Variants in FARS2 observed in about 807,000 individuals in gnomAD.
FARS2 encodes the protein phenylalanyl-tRNA synthetase 2, mitochondrial.
In FARS2, 40 loss-of-function variants were observed where a neutral mutation model predicts 46.4. The ratio of observed to expected loss-of-function variants is 0.86; its 90% CI spans 0.67 to 1.12. The LOEUF is 1.12. Among genes scored for constraint, FARS2 ranks in the 50% most tolerant of loss-of-function variants. The probability of loss-of-function intolerance (pLI) is 0.00; values close to 1 mark genes in which losing one functional copy is unlikely to be tolerated. For missense variants in FARS2, 513 were observed against 567.9 expected (o/e 0.90, Z 0.98); for synonymous variants, 234 against 214.9 (o/e 1.09, Z -0.78).
At chr6:5,525,837 C>T (rs1312408205) in intron 4 of FARS2, among the ~76,000 whole-genome samples, 1 of 152,178 alleles carries the variant, frequency 6.6e-6, no homozygotes, top group Non-Finnish European at 1.5e-5. Context: ...TTAAAAGATG[C>T]CTTTTCTGTT....
intron 1 of FARS2, among the ~76,000 whole-genome samples, chr6:5,333,464 T>C (rs1178264110): frequency 1.3e-5 from 2 of 152,234 alleles, no homozygotes; most frequent in Non-Finnish European, 2.9e-5. Context: ...TGAACTGTAA[T>C]GACCAGCTAG....
chr6:5,610,341 A>T (rs1310290429), intron 5 of FARS2: 4 of 400,276 alleles, frequency 1.0e-5, no homozygotes, highest in African/African-American at 2.1e-5. Flanking sequence ...TATAAAGAGG[A>T]TCAACAAAAG....
intron 4 of FARS2, among the ~76,000 whole-genome samples, chr6:5,439,098 T>C (rs1002799461): frequency 6.6e-6 from 1 of 152,178 alleles, no homozygotes; most frequent in Admixed American, 6.5e-5. Context: ...CAGTTCTCAG[T>C]GTAAGTCTTT....
chr6:5,359,248 C>T (rs1042264231), intron 1 of FARS2, among the ~76,000 whole-genome samples: 1 of 151,838 alleles, frequency 6.6e-6, no homozygotes, highest in African/African-American at 2.4e-5. Flanking sequence ...CCATGTTGGC[C>T]AGGCCATTCC....
chr6:5,256,607 A>G (rs932976556), upstream of FARS2, among the ~76,000 whole-genome samples: 2 of 149,772 alleles, frequency 1.3e-5, no homozygotes, highest in East Asian at 2.0e-4. Context: ...CTCTCATTTT[A>G]TAAAGAAACT....
At chr6:5,557,164 A>G (rs1484844482) in intron 5 of FARS2, among the ~76,000 whole-genome samples, 1 of 151,906 alleles carries the variant, frequency 6.6e-6, no homozygotes, top group East Asian at 1.9e-4. Context: ...TTTTTTCCTG[A>G]GTGTGAATAT....
intron 6 of FARS2, among the ~76,000 whole-genome samples, chr6:5,706,168 A>G (rs1758744818): frequency 6.6e-6 from 1 of 152,150 alleles, no homozygotes; most frequent in African/African-American, 2.4e-5. Flanking sequence ...AGTTGACAAT[A>G]GGGTTCTCAC....
At chr6:5,715,500 C>T (rs1759442216) in intron 6 of FARS2, among the ~76,000 whole-genome samples, 3 of 152,166 alleles carry the variant, frequency 2.0e-5, no homozygotes, top group Non-Finnish European at 4.4e-5. Flanking sequence ...ACCACAGCCC[C>T]AGGAAACCCC....
intron 6 of FARS2, among the ~76,000 whole-genome samples, chr6:5,763,139 G>A (rs1440592463): frequency 6.6e-6 from 1 of 152,224 alleles, no homozygotes; most frequent in African/African-American, 2.4e-5. Flanking sequence ...CATTAGGCCA[G>A]CGTGCTTCCC....
chr6:5,646,226 C>G (rs1777066398), intron 6 of FARS2, among the ~76,000 whole-genome samples: 1 of 152,168 alleles, frequency 6.6e-6, no homozygotes, highest in Admixed American at 6.5e-5. Flanking sequence ...CATTGTTACT[C>G]CCATGGCCTC....
At chr6:5,744,591 T>C (rs1368854017) in intron 6 of FARS2, among the ~76,000 whole-genome samples, 2 of 152,226 alleles carry the variant, frequency 1.3e-5, no homozygotes, top group East Asian at 1.9e-4. Flanking sequence ...GGTATCTGTC[T>C]GTTCCCACAT....
At chr6:5,636,099 G>T (rs543457013) in intron 6 of FARS2, among the ~76,000 whole-genome samples, 2 of 148,696 alleles carry the variant, frequency 1.3e-5, no homozygotes, top group Admixed American at 1.3e-4. Flanking sequence ...ATAGGGTTTT[G>T]TTTTTTTTTT....
At chr6:5,428,887 G>A (rs9328301) in intron 3 of FARS2, among the ~76,000 whole-genome samples, 57,819 of 152,010 alleles carry the variant, frequency 0.38, 11,636 homozygotes, top group Non-Finnish European at 0.44. Context: ...GTGTTGATGC[G>A]ATCTCGGCAA....
intron 4 of FARS2, among the ~76,000 whole-genome samples, chr6:5,439,272 A>G (rs1453974145): frequency 2.0e-5 from 3 of 152,204 alleles, no homozygotes; most frequent in Non-Finnish European, 4.4e-5. Flanking sequence ...AGGTTTCCAC[A>G]TAGAATTCGG....
At chr6:5,598,490 T>A (rs1774328835) in intron 5 of FARS2, among the ~76,000 whole-genome samples, 1 of 152,222 alleles carries the variant, frequency 6.6e-6, no homozygotes, top group Non-Finnish European at 1.5e-5. Context: ...AATTGAGAGT[T>A]GATGTTAGAC....
At chr6:5,488,641 A>AAGGAGAATGGCGTGAACCC (rs1561657202) in intron 4 of FARS2, among the ~76,000 whole-genome samples, 1 of 151,778 alleles carries the variant, frequency 6.6e-6, no homozygotes, top group African/African-American at 2.4e-5. Context: ...ATGGAGCATA[A>AAGGAGAATGGCGTGAACCC]GAGTTTAGTT....
intron 4 of FARS2, among the ~76,000 whole-genome samples, chr6:5,434,362 T>C (rs1295794511): frequency 6.6e-6 from 1 of 152,166 alleles, no homozygotes; most frequent in Admixed American, 6.5e-5. Flanking sequence ...TCCACCCACC[T>C]TGGCCTCCCA....
chr6:5,404,363 T>C (rs1761431102), intron 2 of FARS2, among the ~76,000 whole-genome samples, 179 bp from the exon 3 acceptor site: 1 of 152,224 alleles, frequency 6.6e-6, no homozygotes, highest in Non-Finnish European at 1.5e-5. Flanking sequence ...GCGTAGTGTT[T>C]TCTTCAGAGT....
chr6:5,356,836 A>G (rs1004605926), intron 1 of FARS2, among the ~76,000 whole-genome samples: 1 of 152,200 alleles, frequency 6.6e-6, no homozygotes, highest in African/African-American at 2.4e-5. Flanking sequence ...AACGGACGGC[A>G]TATGTATTAT....
Sources: allele counts gnomAD v4.1 joint callset (sites outside exome capture counted in the v4.1 genomes callset), GRCh38; gene constraint gnomAD v4.1.1; transcripts MANE v1.5; gene names NCBI Gene and HGNC (gene_info 2026-07-23, HGNC 2026-07-21).